Variants in COMMD10 observed in about 807,000 individuals in gnomAD.
The protein encoded by COMMD10 is COMM domain containing 10, also known as COMM domain-containing protein 10.
COMMD10 carries 33 observed loss-of-function variants against 28.9 expected under a neutral mutation model. The observed-to-expected ratio is 1.14, with a 90% CI of 0.87 to 1.53. COMMD10 has a LOEUF of 1.53. COMMD10 is among the 40% of genes most tolerant of loss of function. The probability of loss-of-function intolerance (pLI) is 0.00; values close to 1 mark genes in which losing one functional copy is unlikely to be tolerated. For missense variants in COMMD10, 310 were observed against 233.4 expected, an observed-to-expected ratio of 1.33 and a Z score of -2.14; for synonymous variants, 110 against 81.7, an observed-to-expected ratio of 1.35 and a Z score of -1.87.
At chr5:116,129,073 A>AC (rs1452861964) in intron 4 of COMMD10, among the ~76,000 whole-genome samples, 1 of 151,824 alleles carries the variant, frequency 6.6e-6, no homozygotes, top group East Asian at 1.9e-4. Context: ...ATACAATTCC[A>AC]CGTGAGACTT....
At chr5:116,241,965 C>G (rs571911714) in intron 5 of COMMD10, among the ~76,000 whole-genome samples, 21 of 152,102 alleles carry the variant, frequency 1.4e-4, no homozygotes, top group Non-Finnish European at 2.4e-4. Flanking sequence ...CAGAGGATCC[C>G]TCAACTCATG....
At chr5:116,187,387 A>G (rs1309851721) in intron 5 of COMMD10, among the ~76,000 whole-genome samples, 1 of 152,162 alleles carries the variant, frequency 6.6e-6, no homozygotes, top group Non-Finnish European at 1.5e-5. Context: ...GCATTTAAAT[A>G]TAATTGAATG....
intron 5 of COMMD10, among the ~76,000 whole-genome samples, chr5:116,162,071 A>G (rs1362283260): frequency 6.6e-6 from 1 of 152,172 alleles, no homozygotes; most frequent in Non-Finnish European, 1.5e-5. Context: ...TGTTGACCTC[A>G]TTTGATTTTA....
At chr5:116,126,820 C>A (rs1048068100) in intron 4 of COMMD10, among the ~76,000 whole-genome samples, 2 of 152,122 alleles carry the variant, frequency 1.3e-5, no homozygotes, top group African/African-American at 4.8e-5. Flanking sequence ...ACCATAAAAA[C>A]CCTAGGAGGA....
At chr5:116,255,254 T>G (rs544331397) in intron 5 of COMMD10, among the ~76,000 whole-genome samples, 1 of 151,802 alleles carries the variant, frequency 6.6e-6, no homozygotes, top group African/African-American at 2.4e-5. Flanking sequence ...CTTTATCCAA[T>G]TTGCCAGTCT....
At chr5:116,120,837 C>T (rs966848185) in intron 4 of COMMD10, among the ~76,000 whole-genome samples, 2 of 151,362 alleles carry the variant, frequency 1.3e-5, no homozygotes, top group African/African-American at 4.9e-5. Flanking sequence ...GATATCTGGG[C>T]TATTTCTAGG....
At chr5:116,134,941 A>G (rs1751983441) in intron 5 of COMMD10, among the ~76,000 whole-genome samples, 1 of 152,074 alleles carries the variant, frequency 6.6e-6, no homozygotes, top group South Asian at 2.1e-4. Context: ...TTTATACCAC[A>G]GGATTTTACT....
chr5:116,104,145 A>G (rs1750755305), intron 4 of COMMD10, among the ~76,000 whole-genome samples: 1 of 152,226 alleles, frequency 6.6e-6, no homozygotes, highest in South Asian at 2.1e-4. Flanking sequence ...TTTTGGTTCC[A>G]TGTGAAATTT....
chr5:116,177,888 T>A (rs1008521602), intron 5 of COMMD10, among the ~76,000 whole-genome samples: 1 of 152,154 alleles, frequency 6.6e-6, no homozygotes, highest in Non-Finnish European at 1.5e-5. Flanking sequence ...TTTTGGAATT[T>A]ACACAGCACA....
At chr5:116,249,655 C>T (rs1750053706) in intron 5 of COMMD10, among the ~76,000 whole-genome samples, 1 of 151,836 alleles carries the variant, frequency 6.6e-6, no homozygotes, top group Non-Finnish European at 1.5e-5. Flanking sequence ...CTGTGATGGT[C>T]AATGGGTTTA....
At chr5:116,267,434 C>G (rs1403926784) in intron 5 of COMMD10, among the ~76,000 whole-genome samples, 1 of 151,726 alleles carries the variant, frequency 6.6e-6, no homozygotes, top group Non-Finnish European at 1.5e-5. Context: ...AACCACTGCT[C>G]AACGAAATAA....
At chr5:116,119,365 A>G (rs1296930312) in intron 4 of COMMD10, among the ~76,000 whole-genome samples, 2 of 152,220 alleles carry the variant, frequency 1.3e-5, no homozygotes, top group Non-Finnish European at 2.9e-5. Context: ...TGTAGCAGCC[A>G]AATTAAAAGT....
intron 5 of COMMD10, among the ~76,000 whole-genome samples, chr5:116,148,119 A>G (rs1752402560): frequency 6.6e-6 from 1 of 151,886 alleles, no homozygotes; most frequent in African/African-American, 2.4e-5. Context: ...ACTATATACT[A>G]ACATGTTGAC....
In COMMD10 at chr5:116,291,677, A is replaced by G. The variant is rs1033680805; in HGVS notation, c.570+101A>G. On this transcript the variant is annotated intron_variant, in intron 6 of 6. Coordinates refer to ENST00000274458, the MANE Select transcript of COMMD10 (RefSeq NM_016144.4). ...TTTTTAAATGTCATATTATGGAACT[A>G]AGTTCTTTAAACTTCCCTTATAAAA... The G allele has an allele frequency of 9.3e-6, 6 of 643,330 alleles. No homozygotes were observed. The East Asian group carries it at 1.5e-4, about 16-fold the overall frequency. 39.9% of individuals were successfully genotyped at this position (643,330 alleles called of 1,614,324 possible).
At chr5:116,278,013 T>C (rs1380508564) in intron 5 of COMMD10, among the ~76,000 whole-genome samples, 2 of 151,722 alleles carry the variant, frequency 1.3e-5, no homozygotes, top group Non-Finnish European at 2.9e-5. Flanking sequence ...CTAGAAACAA[T>C]AGAATTTCAA....
At chr5:116,147,556 G>C (rs1014474206) in intron 5 of COMMD10, among the ~76,000 whole-genome samples, 3 of 151,712 alleles carry the variant, frequency 2.0e-5, no homozygotes, top group Admixed American at 6.6e-5. Flanking sequence ...TTTGCTTATA[G>C]TCAGTAACTG....
intron 5 of COMMD10, among the ~76,000 whole-genome samples, chr5:116,261,194 A>G (rs1030150230): frequency 6.6e-5 from 10 of 151,890 alleles, no homozygotes; most frequent in African/African-American, 2.4e-4. Flanking sequence ...TAATTTGCCA[A>G]TATAACTAGT....
intron 5 of COMMD10, among the ~76,000 whole-genome samples, chr5:116,289,208 T>C (rs1236851893): frequency 6.6e-6 from 1 of 151,816 alleles, no homozygotes; most frequent in Non-Finnish European, 1.5e-5. Context: ...AACATCCCTA[T>C]AATAGTTATT....
chr5:116,233,633 T>C (rs576577418), intron 5 of COMMD10, among the ~76,000 whole-genome samples: 5 of 152,250 alleles, frequency 3.3e-5, no homozygotes, highest in African/African-American at 1.2e-4. Flanking sequence ...TGAGTAAAGA[T>C]TTGAAAGATG....
Sources: gnomAD v4.1 joint callset for allele counts (sites outside exome capture counted in the v4.1 genomes callset) on GRCh38, gnomAD v4.1.1 for gene constraint, MANE v1.5 for transcripts, NCBI Gene and HGNC (gene_info 2026-07-23, HGNC 2026-07-21) for gene names.